The following DMGDH variants were observed in gnomAD, a reference collection of about 807,000 sequenced individuals.
DMGDH encodes the protein dimethylglycine dehydrogenase, mitochondrial.
Under a neutral mutation model 95.2 loss-of-function variants are expected in DMGDH, and 76 were observed. That is an observed-to-expected ratio of 0.80 (90% CI 0.66 to 0.97). The LOEUF (loss-of-function observed/expected upper bound fraction) is 0.97, where lower values mean the gene tolerates loss of function less well. DMGDH is among the 50% of genes least tolerant of loss of function. The pLI, the probability that DMGDH is intolerant of heterozygous loss-of-function variation, is 0.00. For missense variants in DMGDH, 987 were observed against 1,055.0 expected, an observed-to-expected ratio of 0.94 and a Z score of 0.89; for synonymous variants, 345 against 377.6, an observed-to-expected ratio of 0.91 and a Z score of 1.00.
At chr5:79,000,821 G>A (rs760884205) in intron 15 of DMGDH, 42 of 627,566 alleles carry the variant, frequency 6.7e-5, no homozygotes, top group East Asian at 2.4e-4. Context: ...TACTCTCACC[G>A]AACCAGATGG....
chr5:79,069,647 C>A lies in DMGDH; in HGVS notation c.-27G>T. On this transcript the variant is annotated 5_prime_UTR_variant, in exon 1 of 16. Coordinates refer to ENST00000255189, the MANE Select transcript of DMGDH (RefSeq NM_013391.3). ...ACTAGGCCGAGGCCGAGGGCGCAGG[C>A]GCCTGCTCCGAGGCCAGCGGGCAGC... 2 of 1,323,206 alleles carry A rather than the reference C, an allele frequency of 1.5e-6. No individual in the cohort carries two copies. Among genetic ancestry groups the A allele is most frequent in the South Asian group, 2.2e-5 (1 of 45,338 alleles). 82.0% of individuals were successfully genotyped at this position (1,323,206 alleles called of 1,614,324 possible). A position where few individuals can be genotyped will look rare whatever the true frequency, so the allele number is the denominator to read the frequency against.
At chr5:79,014,976 G>A (rs1753704426) in intron 14 of DMGDH, among the ~76,000 whole-genome samples, 1 of 152,156 alleles carries the variant, frequency 6.6e-6, no homozygotes, top group African/African-American at 2.4e-5. Flanking sequence ...GGCAAGTGCA[G>A]AGTGCTATAG....
At chr5:79,047,409 T>C (rs1754710189) in intron 5 of DMGDH, among the ~76,000 whole-genome samples, 2 of 152,200 alleles carry the variant, frequency 1.3e-5, no homozygotes, top group Admixed American at 1.3e-4. Flanking sequence ...ATTAAGCAAT[T>C]CTTTTTGGCT....
intron 2 of DMGDH, among the ~76,000 whole-genome samples, chr5:79,060,661 C>T (rs1283334543): frequency 1.3e-5 from 2 of 152,148 alleles, no homozygotes; most frequent in African/African-American, 4.8e-5. Context: ...TGGCTCACGC[C>T]TGTAATCCCA....
chr5:79,050,273 A>AAAAAAAATATATATAT (rs1554037270), intron 5 of DMGDH, among the ~76,000 whole-genome samples: 4 of 20,930 alleles, frequency 1.9e-4, no homozygotes, highest in African/African-American at 6.2e-4. Context: ...AAAAAAAAAA[A>AAAAAAAATATATATAT]ATATATATAT....
chr5:79,042,122 C>A (rs1331270090), intron 7 of DMGDH, among the ~76,000 whole-genome samples, 161 bp downstream of exon 7: 1 of 152,064 alleles, frequency 6.6e-6, no homozygotes, highest in Non-Finnish European at 1.5e-5. Context: ...TGTATGAATC[C>A]TTGGTCATGA....
Position 79,038,869 on chromosome 5 carries a change from C to T in DMGDH, c.1193+3414G>A, listed in dbSNP as rs4482887. 9.9e-4 allele frequency among the ~76,000 whole-genome samples: 150 copies of T among 152,104 alleles called. 1 individual carries two copies. Among genetic ancestry groups the T allele is most frequent in the African/African-American group, 3.5e-3 (147 of 41,474 alleles). On this transcript the variant is annotated intron_variant, in intron 7 of 15. Transcript: ENST00000255189. ...CTCAAACAAATTTGCAAGAAAAAAA[C>T]AAACAACCCCATCAAAAAGTGGGCG...
chr5:79,054,274 T>G lies in DMGDH; in HGVS notation c.450A>C (p.Gln150His). The change falls in exon 4 of 16, where the codon CAA becomes CAC. Residue 150 changes from glutamine (Q) to histidine (H), a missense_variant. Transcript: ENST00000255189. ...TTGCATGCCAGCCAGTCCGAGTCAT[T>G]TGATATTTAAATTCATCTACCCTTA... ...TPVRVDEFKY[Q>H]MTRTGWHATE... 3 of 1,614,164 alleles carry G rather than the reference T, an allele frequency of 1.9e-6. No homozygotes were observed. The highest frequency in any genetic ancestry group is 2.5e-6 in the Non-Finnish European group (3 of 1,180,014).
chr5:79,056,614 G>A (rs113323177), intron 2 of DMGDH, among the ~76,000 whole-genome samples: 3,671 of 151,744 alleles, frequency 0.024, 149 homozygotes, highest in African/African-American at 0.085. Context: ...AGCACTTTGG[G>A]AGGCCGAGGT....
intron 4 of DMGDH, among the ~76,000 whole-genome samples, chr5:79,052,470 T>A (rs1019722099): frequency 6.6e-6 from 1 of 152,246 alleles, no homozygotes; most frequent in Non-Finnish European, 1.5e-5. Flanking sequence ...ACGAATTCAA[T>A]CCTTTCATTT....
At chr5:79,039,210 A>G (rs534421565) in intron 7 of DMGDH, among the ~76,000 whole-genome samples, 149 of 152,086 alleles carry the variant, frequency 9.8e-4, no homozygotes, top group Middle Eastern at 3.4e-3. Flanking sequence ...ATTACTGGGT[A>G]TATACCCAAA....
intron 3 of DMGDH, 58 bp from the exon 4 acceptor site, chr5:79,054,406 T>C: frequency 6.6e-7 from 1 of 1,515,668 alleles, no homozygotes; most frequent in Admixed American, 1.7e-5. Context: ...TACTCAAACA[T>C]GGTTCTGCTC....
chr5:79,020,931 CTAT>C, intron 14 of DMGDH: 2 of 985,414 alleles, frequency 2.0e-6, no homozygotes, highest in Non-Finnish European at 2.4e-6. Flanking sequence ...CCAGGAATGC[CTAT>C]GACTCCATCC....
chr5:79,017,556 T>C (rs1166833266), intron 14 of DMGDH, among the ~76,000 whole-genome samples: 2 of 152,200 alleles, frequency 1.3e-5, no homozygotes, highest in Non-Finnish European at 2.9e-5. Context: ...ATACTGCTGG[T>C]AGGACTATAA....
chr5:79,026,114 G>A (rs1753993790), intron 13 of DMGDH, among the ~76,000 whole-genome samples: 1 of 152,126 alleles, frequency 6.6e-6, no homozygotes, highest in Non-Finnish European at 1.5e-5. Flanking sequence ...AATGACAGAG[G>A]AGGAGAGATT....
chr5:79,039,673 A>G (rs1180079325), intron 7 of DMGDH, among the ~76,000 whole-genome samples: 2 of 152,028 alleles, frequency 1.3e-5, no homozygotes, highest in Non-Finnish European at 2.9e-5. Flanking sequence ...TAACCTGCAC[A>G]TTGTGCACAT....
intron 2 of DMGDH, among the ~76,000 whole-genome samples, chr5:79,060,811 T>C (rs972155122): frequency 6.4e-4 from 97 of 150,946 alleles, no homozygotes; most frequent in African/African-American, 2.4e-3. Context: ...CCCAGCTACT[T>C]GGGAGGCTGA....
intron 2 of DMGDH, among the ~76,000 whole-genome samples, chr5:79,060,474 C>G (rs548557871): frequency 6.6e-6 from 1 of 152,218 alleles, no homozygotes. Context: ...CCTCTCCAAG[C>G]ATTTGATTCC....
intron 9 of DMGDH, 139 bp from the exon 10 acceptor site, chr5:79,031,137 G>T: frequency 1.2e-6 from 1 of 829,064 alleles, no homozygotes; most frequent in Non-Finnish European, 1.9e-6. Flanking sequence ...GCGAGACCAT[G>T]CAACCTGAAA....
Sources: gnomAD v4.1 joint callset for allele counts (sites outside exome capture counted in the v4.1 genomes callset) on GRCh38, gnomAD v4.1.1 for gene constraint, MANE v1.5 for transcripts, NCBI Gene and HGNC (gene_info 2026-07-23, HGNC 2026-07-21) for gene names.